The following PRKN variants were observed in gnomAD, a reference collection of about 807,000 sequenced individuals.
The protein encoded by PRKN is E3 ubiquitin-protein ligase parkin.
Under a neutral mutation model 59.5 loss-of-function variants are expected in PRKN, and 56 were observed. The ratio of observed to expected loss-of-function variants is 0.94; its 90% CI spans 0.76 to 1.18. The LOEUF (loss-of-function observed/expected upper bound fraction) is 1.18, where lower values mean the gene tolerates loss of function less well. Among genes scored for constraint, PRKN ranks in the 50% most tolerant of loss-of-function variants. PRKN has a pLI of 0.00. For missense variants in PRKN, 657 were observed against 596.4 expected (o/e 1.10, Z -1.06); for synonymous variants, 250 against 222.1 (o/e 1.13, Z -1.12).
At chr6:162,617,590 AG>A (rs1782483847) in intron 1 of PRKN, among the ~76,000 whole-genome samples, 2 of 152,042 alleles carry the variant, frequency 1.3e-5, no homozygotes, top group Admixed American at 6.6e-5. Flanking sequence ...CTGTCTAGCT[AG>A]CTAGAACTTT....
At chr6:162,456,937 C>T (rs898373020) in intron 1 of PRKN, among the ~76,000 whole-genome samples, 2 of 152,116 alleles carry the variant, frequency 1.3e-5, no homozygotes, top group Admixed American at 6.5e-5. Context: ...GGGGCCATTT[C>T]GAACAATGAA....
intron 1 of PRKN, among the ~76,000 whole-genome samples, chr6:162,676,352 T>C (rs1444441790): frequency 7.0e-6 from 1 of 142,704 alleles, no homozygotes; most frequent in Non-Finnish European, 1.5e-5. Context: ...ATTGGAAATA[T>C]CAAAAAAAAA....
At chr6:161,751,034 T>C (rs912037534) in intron 7 of PRKN, among the ~76,000 whole-genome samples, 2 of 152,218 alleles carry the variant, frequency 1.3e-5, no homozygotes. Flanking sequence ...CTAAATATCA[T>C]ATACATTTTC....
chr6:161,471,080 A>G lies in PRKN; in HGVS notation c.1083+77774T>C, dbSNP rs1021405303. On this transcript the variant is annotated intron_variant, in intron 9 of 11. Coordinates refer to ENST00000366898, the MANE Select transcript of PRKN (RefSeq NM_004562.3). This position sits in a 1 kb window ranked among gnomAD's most constrained non-coding sequence, Gnocchi z 4.5. Reference sequence around the variant, plus strand: ...CTAGTGTGATTTAGAATTTTTAAACATTGAGATGAGGGCCATGTGAACCCA... The same window carrying G: ...CTAGTGTGATTTAGAATTTTTAAACGTTGAGATGAGGGCCATGTGAACCCA... Among the ~76,000 whole-genome samples, 1 of 152,178 alleles carries G rather than the reference A, an allele frequency of 6.6e-6. No individual in the cohort carries two copies. Among genetic ancestry groups the G allele is most frequent in the Non-Finnish European group, 1.5e-5 (1 of 68,020 alleles).
chr6:162,093,692 A>C (rs575904386), intron 4 of PRKN, among the ~76,000 whole-genome samples: 1 of 152,158 alleles, frequency 6.6e-6, no homozygotes, highest in East Asian at 1.9e-4. Flanking sequence ...ACATCTGAAG[A>C]ACACACACAT....
At chr6:162,458,472 A>G (rs1349308000) in intron 1 of PRKN, among the ~76,000 whole-genome samples, 1 of 151,748 alleles carries the variant, frequency 6.6e-6, no homozygotes, top group Non-Finnish European at 1.5e-5. Context: ...GAGGTTTGTA[A>G]GAATATCTAA....
intron 1 of PRKN, among the ~76,000 whole-genome samples, chr6:162,676,688 T>G (rs912810601): frequency 1.1e-4 from 17 of 152,206 alleles, no homozygotes; most frequent in Admixed American, 3.3e-4. Flanking sequence ...AAAAAGTTAC[T>G]GACAACAGAA....
chr6:161,514,353 G>A (rs1175356246), intron 9 of PRKN, among the ~76,000 whole-genome samples: 1 of 152,126 alleles, frequency 6.6e-6, no homozygotes, highest in African/African-American at 2.4e-5. Flanking sequence ...CCGGGTCTGA[G>A]CTGCAGGACA....
At chr6:161,796,318 CA>C (rs1464759022) in intron 6 of PRKN, among the ~76,000 whole-genome samples, 7 of 152,042 alleles carry the variant, frequency 4.6e-5, no homozygotes, top group Non-Finnish European at 1.0e-4. Context: ...TACAATGTAA[CA>C]AGAGATATTA....
In PRKN at chr6:161,533,424, T is replaced by C. The variant is rs1453490729; in HGVS notation, c.1083+15430A>G. Among the ~76,000 whole-genome samples the C allele has an allele frequency of 6.6e-6, 1 of 152,142 alleles. No homozygotes were observed. Among genetic ancestry groups the C allele is most frequent in the Non-Finnish European group, 1.5e-5 (1 of 68,028 alleles). ...GCTGGAAGCTTGCACAGGTACATGC[T>C]GGCAGTTGTGCCCGTAGGAATATAC... On this transcript the variant is annotated intron_variant, in intron 9 of 11. Coordinates refer to ENST00000366898, the MANE Select transcript of PRKN (RefSeq NM_004562.3). This position sits in a 1 kb window ranked among gnomAD's most constrained non-coding sequence, Gnocchi z 4.1.
chr6:162,170,365 G>T (rs1783215963), intron 4 of PRKN, among the ~76,000 whole-genome samples: 1 of 152,112 alleles, frequency 6.6e-6, no homozygotes, highest in Non-Finnish European at 1.5e-5. Context: ...GTTCACTTGA[G>T]CAGCATTTTT....
chr6:162,398,057 A>T (rs892881833), intron 2 of PRKN, among the ~76,000 whole-genome samples: 1 of 151,802 alleles, frequency 6.6e-6, no homozygotes, highest in African/African-American at 2.4e-5. Context: ...AAAAAAAAGA[A>T]AGATTTTCTC....
At chr6:162,373,910 G>T (rs1785901534) in intron 2 of PRKN, among the ~76,000 whole-genome samples, 1 of 152,100 alleles carries the variant, frequency 6.6e-6, no homozygotes, top group African/African-American at 2.4e-5. Context: ...AAAGGAAAAT[G>T]ATGTACAGAA....
intron 6 of PRKN, among the ~76,000 whole-genome samples, chr6:161,808,510 G>A (rs1791428778): frequency 6.6e-6 from 1 of 152,194 alleles, no homozygotes; most frequent in Admixed American, 6.6e-5. Flanking sequence ...CACAGAAAAG[G>A]AGATATAGCA....
intron 9 of PRKN, among the ~76,000 whole-genome samples, chr6:161,516,181 C>T (rs1011551884): frequency 2.0e-4 from 30 of 152,114 alleles, no homozygotes; most frequent in Non-Finnish European, 3.4e-4. Flanking sequence ...GGCGCAGTGG[C>T]TCACGCCTGT....
intron 1 of PRKN, among the ~76,000 whole-genome samples, chr6:162,650,050 C>T (rs887721492): frequency 2.6e-5 from 4 of 152,242 alleles, no homozygotes; most frequent in Non-Finnish European, 2.9e-5. Flanking sequence ...GACTCTCAAG[C>T]GGCCATTTAT....
chr6:161,878,173 T>C (rs1309751806), intron 6 of PRKN, among the ~76,000 whole-genome samples: 4 of 152,206 alleles, frequency 2.6e-5, no homozygotes, highest in Non-Finnish European at 4.4e-5. Context: ...ACGTATTTGC[T>C]GATTACAACC....
chr6:161,501,582 A>C (rs186320540), intron 9 of PRKN, among the ~76,000 whole-genome samples: 173 of 151,248 alleles, frequency 1.1e-3, no homozygotes, highest in African/African-American at 3.8e-3. Flanking sequence ...TTTTTTTTTA[A>C]TGGTTGGTCT....
chr6:162,291,965 T>C (rs867467134), intron 2 of PRKN, among the ~76,000 whole-genome samples: 1 of 128,790 alleles, frequency 7.8e-6, no homozygotes, highest in South Asian at 2.6e-4. Flanking sequence ...ATTATTGTTT[T>C]TTTTTTTTTT....
Sources: gnomAD v4.1 joint callset for allele counts (sites outside exome capture counted in the v4.1 genomes callset) on GRCh38, gnomAD v4.1.1 for gene constraint, Gnocchi (gnomAD v3.1) non-coding constraint, MANE v1.5 for transcripts, NCBI Gene and HGNC (gene_info 2026-07-23, HGNC 2026-07-21) for gene names.